SEH1L: variants seen among roughly 807,000 people sequenced by gnomAD.
SEH1L encodes nucleoporin SEH1.
SEH1L carries 18 observed loss-of-function variants against 49.5 expected under a neutral mutation model. The ratio of observed to expected loss-of-function variants is 0.36; its 90% CI spans 0.25 to 0.54. SEH1L has a LOEUF of 0.54. Ranked by LOEUF, SEH1L falls within the 20% of genes least tolerant of loss-of-function variation. The pLI is 0.87. For missense variants in SEH1L, 404 were observed against 528.8 expected, an observed-to-expected ratio of 0.76 and a Z score of 2.31; for synonymous variants, 169 against 178.1, an observed-to-expected ratio of 0.95 and a Z score of 0.41.
At chr18:12,981,668 A>T (rs915773769) in intron 6 of SEH1L, among the ~76,000 whole-genome samples, 3 of 152,204 alleles carry the variant, frequency 2.0e-5, no homozygotes, top group Non-Finnish European at 4.4e-5. Flanking sequence ...GCTGAAACTA[A>T]CAATTCTCCA....
chr18:12,963,393 C>T, intron 4 of SEH1L, 22 bp downstream of exon 4: 1 of 1,549,072 alleles, frequency 6.5e-7, no homozygotes, highest in South Asian at 1.1e-5. Context: ...TATTAAACCT[C>T]TGATAACATC....
intron 5 of SEH1L, chr18:12,975,959 G>C (rs2031900178): frequency 1.3e-6 from 1 of 778,766 alleles, no homozygotes; most frequent in African/African-American, 1.9e-5. Context: ...GAGTGAATGT[G>C]GTAAGCACAA....
chr18:12,951,497 T>G (rs1338685317), intron 1 of SEH1L, among the ~76,000 whole-genome samples: 1 of 152,146 alleles, frequency 6.6e-6, no homozygotes, highest in Admixed American at 6.5e-5. Context: ...TTCAAACGAT[T>G]GTCTTGCCTC....
intron 8 of SEH1L, chr18:12,984,989 G>A: frequency 2.8e-6 from 1 of 362,116 alleles, no homozygotes; most frequent in Non-Finnish European, 4.9e-6. Flanking sequence ...TTGATTTTGA[G>A]GTTTTAAGTA....
intron 1 of SEH1L, among the ~76,000 whole-genome samples, chr18:12,950,221 A>G (rs2030436234): frequency 6.6e-6 from 1 of 151,894 alleles, no homozygotes; most frequent in Non-Finnish European, 1.5e-5. Flanking sequence ...TTTTTTGTAG[A>G]GGCAGGGTCT....
At chr18:12,958,060 T>G (rs1419342369) in intron 3 of SEH1L, among the ~76,000 whole-genome samples, 1 of 137,410 alleles carries the variant, frequency 7.3e-6, no homozygotes, top group Non-Finnish European at 1.5e-5. Flanking sequence ...ATTCCTCATT[T>G]TAACTTTTTT....
intron 3 of SEH1L, among the ~76,000 whole-genome samples, chr18:12,956,422 C>CG (rs2030864857): frequency 6.7e-6 from 1 of 148,774 alleles, no homozygotes; most frequent in African/African-American, 2.5e-5. Flanking sequence ...CCATGTCACA[C>CG]GCCATACAGA....
At chr18:12,974,686 A>C (rs557042670) in intron 5 of SEH1L, 1 of 152,268 alleles carries the variant, frequency 6.6e-6, no homozygotes, top group Non-Finnish European at 1.5e-5. Context: ...ATACTAAAAC[A>C]GATCTAGGAT....
chr18:12,965,214 G>A (rs1000212510), intron 4 of SEH1L, among the ~76,000 whole-genome samples: 1 of 151,656 alleles, frequency 6.6e-6, no homozygotes, highest in Non-Finnish European at 1.5e-5. Context: ...GGGTTTCACC[G>A]TATTAGCCAG....
At position 12,948,385 on chromosome 18, in the gene SEH1L, C is replaced by T. The variant is rs575357848; in HGVS notation, c.111+153C>T. On this transcript the variant is annotated intron_variant, in intron 1 of 8. Coordinates refer to ENST00000399892, the MANE Select transcript of SEH1L (RefSeq NM_001013437.2). The stretch of plus-strand genomic sequence containing the variant: ...CCTGGCTGGACTGAGCGGAAGCCCT[C>T]CCCGCCCGCGTATTGTGGGGTCACG... 1.9e-3 allele frequency: 1,087 copies of T among 558,272 alleles called. 18 individuals carry two copies. The African/African-American group carries it at 0.02, about 10-fold the overall frequency. 34.6% of individuals were successfully genotyped at this position (558,272 alleles called of 1,614,324 possible).
At chr18:12,979,900 G>A (rs1259295487) in intron 6 of SEH1L, among the ~76,000 whole-genome samples, 3 of 132,100 alleles carry the variant, frequency 2.3e-5, no homozygotes, top group East Asian at 2.5e-4. Flanking sequence ...CTTCGCGGAC[G>A]GGGCGGCTGG....
intron 4 of SEH1L, among the ~76,000 whole-genome samples, chr18:12,963,774 ACCATCTT>A (rs2031304686): frequency 2.0e-5 from 3 of 152,186 alleles, no homozygotes; most frequent in African/African-American, 7.2e-5. Flanking sequence ...GTGCAGTGGC[ACCATCTT>A]GGCTCACAGT....
chr18:12,960,184 A>G (rs1415158631), intron 3 of SEH1L, among the ~76,000 whole-genome samples: 4 of 152,228 alleles, frequency 2.6e-5, no homozygotes, highest in African/African-American at 4.8e-5. Flanking sequence ...CGCTGAAGTT[A>G]TCTTCTCTTG....
intron 8 of SEH1L, chr18:12,985,911 T>C (rs974494910): frequency 2.1e-6 from 2 of 958,994 alleles, no homozygotes; most frequent in Non-Finnish European, 2.5e-6. Flanking sequence ...ATTGTTTCAT[T>C]TACAATTTGG....
chr18:12,981,696 A>G (rs2032268029), intron 6 of SEH1L, among the ~76,000 whole-genome samples: 1 of 152,148 alleles, frequency 6.6e-6, no homozygotes, highest in African/African-American at 2.4e-5. Context: ...CTGATAATCT[A>G]TAAATATTTA....
intron 5 of SEH1L, chr18:12,977,781 G>A (rs1358830122): frequency 6.6e-6 from 1 of 152,174 alleles, no homozygotes; most frequent in African/African-American, 2.4e-5. Context: ...TAGGCAATGT[G>A]TTACTCTTTT....
intron 6 of SEH1L, among the ~76,000 whole-genome samples, chr18:12,980,344 G>A (rs1248683487): frequency 2.2e-3 from 216 of 98,422 alleles, no homozygotes; most frequent in Middle Eastern, 0.01. Flanking sequence ...CTCACCTCCC[G>A]GACAGGGCGG....
At chr18:12,974,409 A>G (rs2031830729) in intron 5 of SEH1L, 2 of 151,938 alleles carry the variant, frequency 1.3e-5, no homozygotes, top group South Asian at 4.1e-4. Context: ...CCTCCCCGGT[A>G]GCTGGGACTA....
intron 3 of SEH1L, among the ~76,000 whole-genome samples, chr18:12,957,814 T>C (rs1274587617): frequency 1.3e-5 from 2 of 152,124 alleles, no homozygotes; most frequent in Non-Finnish European, 2.9e-5. Flanking sequence ...CCTCCTGGGC[T>C]CAAGTGATCC....
Sources: gnomAD v4.1 joint callset for allele counts (sites outside exome capture counted in the v4.1 genomes callset) on GRCh38, gnomAD v4.1.1 for gene constraint, MANE v1.5 for transcripts, NCBI Gene and HGNC (gene_info 2026-07-23, HGNC 2026-07-21) for gene names.